NFYC: variants seen among roughly 807,000 people sequenced by gnomAD.
NFYC encodes CAAT box DNA-binding protein subunit C.
Under a neutral mutation model 53.1 loss-of-function variants are expected in NFYC, and 25 were observed. The observed-to-expected ratio is 0.47, with a 90% CI of 0.34 to 0.66. The LOEUF (loss-of-function observed/expected upper bound fraction) is 0.66. NFYC is among the 30% of genes least tolerant of loss of function. The probability of loss-of-function intolerance (pLI) is 0.01; values close to 1 mark genes in which losing one functional copy is unlikely to be tolerated. For synonymous variants in NFYC, 145 were observed against 152.6 expected, an observed-to-expected ratio of 0.95 and a Z score of 0.37; for missense variants, 260 against 422.7, an observed-to-expected ratio of 0.62 and a Z score of 3.38.
intron 2 of NFYC, among the ~76,000 whole-genome samples, chr1:40,742,465 A>C (rs1645401911): frequency 6.6e-6 from 1 of 152,188 alleles, no homozygotes; most frequent in Admixed American, 6.5e-5. Context: ...ACCTAGACTT[A>C]GTCTATCAGA....
chr1:40,698,162 T>A (rs2148408134), intron 1 of NFYC, among the ~76,000 whole-genome samples: 1 of 152,174 alleles, frequency 6.6e-6, no homozygotes, highest in South Asian at 2.1e-4. Flanking sequence ...CAAGAGTTTG[T>A]GACCAGCCTG....
At chr1:40,717,435 G>T (rs543872133) in intron 1 of NFYC, among the ~76,000 whole-genome samples, 19 of 152,158 alleles carry the variant, frequency 1.2e-4, no homozygotes, top group Non-Finnish European at 1.8e-4. Flanking sequence ...ATCCAGGCGT[G>T]TACAACAAGG....
At chr1:40,708,334 A>C (rs1216681738) in intron 1 of NFYC, among the ~76,000 whole-genome samples, 1 of 152,162 alleles carries the variant, frequency 6.6e-6, no homozygotes, top group Admixed American at 6.5e-5. Flanking sequence ...AAACAAGTAT[A>C]CATGGGAATG....
intron 1 of NFYC, among the ~76,000 whole-genome samples, chr1:40,702,851 C>G (rs1341980592): frequency 1.3e-5 from 2 of 150,952 alleles, no homozygotes; most frequent in African/African-American, 2.4e-5. Flanking sequence ...GAGTCTCACT[C>G]TGTTGCCCAG....
intron 1 of NFYC, among the ~76,000 whole-genome samples, chr1:40,697,887 T>A (rs184400426): frequency 8.4e-4 from 128 of 152,354 alleles, no homozygotes; most frequent in Non-Finnish European, 1.4e-3. Flanking sequence ...CCTGTACTCA[T>A]TTTCAGTATT....
At chr1:40,700,343 CTTTAA>C (rs1002295311) in intron 1 of NFYC, among the ~76,000 whole-genome samples, 2 of 152,032 alleles carry the variant, frequency 1.3e-5, no homozygotes, top group African/African-American at 4.8e-5. Context: ...TTTTATTTTA[CTTTAA>C]TTAATTTTTT....
intron 1 of NFYC, among the ~76,000 whole-genome samples, chr1:40,703,986 A>G (rs1332700411): frequency 6.6e-6 from 1 of 152,210 alleles, no homozygotes; most frequent in South Asian, 2.1e-4. Flanking sequence ...CATTCTCCCA[A>G]CCAAGAGCAA....
At chr1:40,739,792 C>T (rs1358425398) in intron 2 of NFYC, among the ~76,000 whole-genome samples, 3 of 152,162 alleles carry the variant, frequency 2.0e-5, no homozygotes, top group Non-Finnish European at 4.4e-5. Flanking sequence ...TTGATTCTTT[C>T]TGGTTGAGTT....
chr1:40,750,120 C>T (rs1180979265), intron 4 of NFYC, among the ~76,000 whole-genome samples: 2 of 151,802 alleles, frequency 1.3e-5, no homozygotes, highest in African/African-American at 4.8e-5. Flanking sequence ...TCCTTGTCAG[C>T]CTTCCTGGGA....
chr1:40,751,707 TAAGTATA>T (rs1203261168), intron 4 of NFYC, among the ~76,000 whole-genome samples: 1 of 152,188 alleles, frequency 6.6e-6, no homozygotes, highest in Non-Finnish European at 1.5e-5. Flanking sequence ...AAGACCAACT[TAAGTATA>T]TCTATGTTTC....
intron 5 of NFYC, among the ~76,000 whole-genome samples, chr1:40,753,740 C>A (rs1646045165): frequency 6.6e-6 from 1 of 152,146 alleles, no homozygotes; most frequent in African/African-American, 2.4e-5. Context: ...AGCGCCCAGG[C>A]TCTAACCCAC....
chr1:40,741,462 A>G (rs752321144), intron 2 of NFYC, among the ~76,000 whole-genome samples: 33 of 152,200 alleles, frequency 2.2e-4, no homozygotes, highest in African/African-American at 1.9e-4. Context: ...GATCTTTTCA[A>G]CTTAACAATA....
intron 1 of NFYC, among the ~76,000 whole-genome samples, chr1:40,729,301 G>C (rs1401317022): frequency 6.6e-6 from 1 of 152,120 alleles, no homozygotes; most frequent in African/African-American, 2.4e-5. Context: ...CTAGATCTTC[G>C]GGATAAAACT....
At chr1:40,698,086 G>T (rs1338035773) in intron 1 of NFYC, among the ~76,000 whole-genome samples, 1 of 152,164 alleles carries the variant, frequency 6.6e-6, no homozygotes, top group Non-Finnish European at 1.5e-5. Flanking sequence ...TGTCTGGTCA[G>T]GCACAGTGGC....
chr1:40,732,460 C>G (rs1644817066), intron 1 of NFYC, among the ~76,000 whole-genome samples: 2 of 152,168 alleles, frequency 1.3e-5, no homozygotes, highest in Non-Finnish European at 2.9e-5. Context: ...AAGGAACACT[C>G]TGATTTTGGG....
chr1:40,740,912 G>C (rs1645303253), intron 2 of NFYC, among the ~76,000 whole-genome samples: 1 of 151,020 alleles, frequency 6.6e-6, no homozygotes, highest in East Asian at 1.9e-4. Context: ...TTTCTGTTTT[G>C]TTGGACTTTG....
chr1:40,762,051 C>CTTGT lies in NFYC; in HGVS notation c.562-836_562-833dup, dbSNP rs113635631. Reference sequence around the variant, plus strand: ...AAAGAATAATTGACCCTTTTGGCAGCTTGTGTCTTTACCGTCTCAAAAGAG... The same window carrying CTTGT: ...AAAGAATAATTGACCCTTTTGGCAGCTTGTTTGTGTCTTTACCGTCTCAAAAGAG... On this transcript the variant is annotated intron_variant, in intron 6 of 9. Transcript: ENST00000447388. 5.9e-5 allele frequency among the ~76,000 whole-genome samples: 9 copies of CTTGT among 152,206 alleles called. 1 individual carries two copies. Among genetic ancestry groups the CTTGT allele is most frequent in the African/African-American group, 2.2e-4 (9 of 41,522 alleles).
At chr1:40,751,071 A>T (rs1645887433) in intron 4 of NFYC, among the ~76,000 whole-genome samples, 1 of 152,222 alleles carries the variant, frequency 6.6e-6, no homozygotes, top group South Asian at 2.1e-4. Flanking sequence ...AGCCATTCTT[A>T]TATAAAAATG....
At position 40,738,896 on chromosome 1, in the gene NFYC, G is replaced by A. The variant is rs752637227; in HGVS notation, c.53G>A (p.Ser18Asn). The change falls in exon 2 of 10, where the codon AGC (serine) becomes AAC (asparagine). Residue 18 changes from serine (S) to asparagine (N), a missense_variant. Ser to Asn is a conservative substitution (Grantham distance 46, BLOSUM62 1). Coordinates refer to ENST00000447388, the MANE Select transcript of NFYC (RefSeq NM_014223.5). ...GGTSSSDAQQ[S>N]LQSFWPRVME... ...ACTAGCAGCAGTGATGCCCAGCAAA[G>A]CCTACAGTCGTTCTGGCCTCGGGTC... 3 of 1,614,072 alleles carry A rather than the reference G, an allele frequency of 1.9e-6. No individual in the cohort carries two copies. The highest frequency in any genetic ancestry group is 1.1e-5 in the South Asian group (1 of 91,090).
Sources: allele counts gnomAD v4.1 joint callset (sites outside exome capture counted in the v4.1 genomes callset), GRCh38; gene constraint gnomAD v4.1.1; transcripts MANE v1.5; gene names NCBI Gene and HGNC (gene_info 2026-07-23, HGNC 2026-07-21).